The following ATP8B2 variants were observed in gnomAD, a reference collection of about 807,000 sequenced individuals.
The protein encoded by ATP8B2 is ATPase phospholipid transporting 8B2.
Under a neutral mutation model 133.4 loss-of-function variants are expected in ATP8B2, and 70 were observed. The observed-to-expected ratio is 0.52, with a 90% CI of 0.43 to 0.64. The LOEUF is 0.64. Among genes scored for constraint, ATP8B2 ranks in the 30% least tolerant of loss-of-function variants. The pLI is 0.00. For synonymous variants in ATP8B2, 517 were observed against 589.5 expected (o/e 0.88, Z 1.78); for missense variants, 1,101 against 1,535.7 (o/e 0.72, Z 4.73).
chr1:154,349,183 A>G lies in ATP8B2; in HGVS notation c.*65A>G. On this transcript the variant is annotated 3_prime_UTR_variant, in exon 28 of 28. Coordinates refer to ENST00000368489, the MANE Select transcript of ATP8B2 (RefSeq NM_001370597.1). Reference sequence around the variant, plus strand: ...CCAGGGCTGGCCAGTCACTGAGGGAACAGCGTCTCGGAACTGCTGGTCCTC... The same window carrying G: ...CCAGGGCTGGCCAGTCACTGAGGGAGCAGCGTCTCGGAACTGCTGGTCCTC... The G allele has an allele frequency of 1.9e-6, 3 of 1,556,346 alleles. No homozygotes were observed. The highest frequency in any genetic ancestry group is 2.6e-6 in the Non-Finnish European group (3 of 1,145,764).
At chr1:154,339,651 C>A (rs556721734) in intron 12 of ATP8B2, among the ~76,000 whole-genome samples, 1 of 152,134 alleles carries the variant, frequency 6.6e-6, no homozygotes, top group South Asian at 2.1e-4. Flanking sequence ...GTGTATGTTT[C>A]GGGAGGCTAA....
At chr1:154,342,409 G>A (rs1686415662) in intron 13 of ATP8B2, 71 bp from the exon 14 acceptor site, 1 of 1,465,656 alleles carries the variant, frequency 6.8e-7, no homozygotes, top group Non-Finnish European at 9.6e-7. Context: ...TTCTGCATTG[G>A]AGATGTTTTT....
rs1686228339 is a variant in ATP8B2, at chr1:154,337,481, TC to T, written c.973del (p.Leu325SerfsTer42). The T allele has an allele frequency of 1.9e-6, 3 of 1,614,206 alleles. No homozygotes were observed. The highest frequency in any genetic ancestry group is 2.5e-6 in the Non-Finnish European group (3 of 1,180,040). ...GTGGACAGTGCCTTCTTCTCTGGCT[TC>T]CTCTCCTTCTGGTCCTACATCATCA... ...EAVDSAFFSGFLSFWSYIIIL... is the reference protein window; with the variant it reads ...EAVDSAFFSGXLSFWSYIIIL... On this transcript the variant is annotated frameshift_variant, in exon 12 of 28. Coordinates refer to ENST00000368489, the MANE Select transcript of ATP8B2 (RefSeq NM_001370597.1). LOFTEE classifies it high-confidence loss of function.
At chr1:154,329,819 A>C (rs1195637245) in intron 2 of ATP8B2, among the ~76,000 whole-genome samples, 1 of 152,146 alleles carries the variant, frequency 6.6e-6, no homozygotes, top group Admixed American at 6.5e-5. Flanking sequence ...CGGGCCAGTC[A>C]GAAGCAGTTG....
In ATP8B2 at chr1:154,346,795, C is replaced by T; in HGVS notation, c.3163+37C>T. ...TGGCCTCCTTGAATCGGTGAGGAAT[C>T]ACAGCTGTTCTGGGACTAACAGGAC... On this transcript the variant is annotated intron_variant, in intron 26 of 27. Transcript: ENST00000368489. The surrounding 1 kb of genome is among the most constrained non-coding windows in gnomAD (Gnocchi z 4.5). The T allele has an allele frequency of 1.9e-6, 3 of 1,610,340 alleles. No individual in the cohort carries two copies. The highest frequency in any genetic ancestry group is 2.5e-6 in the Non-Finnish European group (3 of 1,177,232).
chr1:154,331,278 A>T lies in ATP8B2; in HGVS notation c.303+132A>T, dbSNP rs1357691086. The T allele has an allele frequency of 8.8e-7, 1 of 1,132,426 alleles. No homozygotes were observed. Among genetic ancestry groups the T allele is most frequent in the Non-Finnish European group, 1.3e-6 (1 of 775,858 alleles). The allele number at this position is 1,132,426 out of a possible 1,614,324, so 70.1% of individuals were successfully genotyped here. ...GACATCCCTTACCCGGTCCAGCTAG[A>T]TCCATGATGTCTTTTTGCTGAGCGT... On this transcript the variant is annotated intron_variant, in intron 5 of 27. Transcript: ENST00000368489. The surrounding 1 kb of genome is among the most constrained non-coding windows in gnomAD (Gnocchi z 4.8).
Position 154,348,509 on chromosome 1 carries a change from C to T in ATP8B2, c.3265C>T (p.Leu1089Phe), listed in dbSNP as rs1434480171. The change falls in exon 27 of 28, where the codon CTC becomes TTC. Residue 1089 changes from leucine to phenylalanine, a missense_variant. Leu to Phe is a conservative substitution (Grantham distance 22). Coordinates refer to ENST00000368489, the MANE Select transcript of ATP8B2 (RefSeq NM_001370597.1). ...MPVVAFRFLR[L>F]NLKPDLSDTV... ...CGTGGTTGCCTTCCGATTCCTCAGGCTCAACCTGAAGCCGGATCTCTCCGA... is the reference window on the plus strand; with the variant it reads ...CGTGGTTGCCTTCCGATTCCTCAGGTTCAACCTGAAGCCGGATCTCTCCGA... The T allele has an allele frequency of 2.5e-6, 4 of 1,614,144 alleles. No individual in the cohort carries two copies. Among genetic ancestry groups the T allele is most frequent in the Non-Finnish European group, 3.4e-6 (4 of 1,180,012 alleles).
At position 154,349,327 on chromosome 1, in the gene ATP8B2, C is replaced by T; in HGVS notation, c.*209C>T. 1.4e-6 allele frequency: 1 copy of T among 712,134 alleles called. No homozygotes were observed. The highest frequency in any genetic ancestry group is 2.3e-6 in the Non-Finnish European group (1 of 442,788). 44.1% of individuals were successfully genotyped at this position (712,134 alleles called of 1,614,324 possible). ...AGCTGGGGAGCTAGAGGGAGCAGGC[C>T]CAAGGGCAGAGCAGAGGCTGAGGCA... On this transcript the variant is annotated 3_prime_UTR_variant, in exon 28 of 28. Coordinates refer to ENST00000368489, the MANE Select transcript of ATP8B2 (RefSeq NM_001370597.1).
chr1:154,329,518 G>T (rs1031156813), intron 2 of ATP8B2, among the ~76,000 whole-genome samples: 30 of 152,110 alleles, frequency 2.0e-4, no homozygotes, highest in African/African-American at 7.0e-4. Flanking sequence ...TCTATTATAG[G>T]ACAGCTCCTT....
rs1215330491 is a variant in ATP8B2 at position 154,344,387 on chromosome 1, C to G, written c.2036-8C>G. Reference sequence around the variant, plus strand: ...CCTGTCCGTAGCTCCTGCGTTCTCTCTTGGTAGAGACGGCTGTGAACATCG... The same window carrying G: ...CCTGTCCGTAGCTCCTGCGTTCTCTGTTGGTAGAGACGGCTGTGAACATCG... On this transcript the variant is annotated splice_polypyrimidine_tract_variant and splice_region_variant and intron_variant, in intron 19 of 27. Transcript: ENST00000368489. The surrounding 1 kb of genome is among the most constrained non-coding windows in gnomAD (Gnocchi z 4.1). 6.2e-7 allele frequency: 1 copy of G among 1,614,046 alleles called. No homozygotes were observed. The highest frequency in any genetic ancestry group is 8.5e-7 in the Non-Finnish European group (1 of 1,180,032).
chr1:154,327,775 C>A, intron 1 of ATP8B2: 2 of 1,608,218 alleles, frequency 1.2e-6, no homozygotes, highest in East Asian at 2.2e-5. Context: ...CGCCAGAACA[C>A]ATGAGAGCCT....
In ATP8B2 at chr1:154,344,097, C is replaced by T; in HGVS notation, c.1923+40C>T. On this transcript the variant is annotated intron_variant, in intron 18 of 27. Coordinates refer to ENST00000368489, the MANE Select transcript of ATP8B2 (RefSeq NM_001370597.1). The surrounding 1 kb of genome is among the most constrained non-coding windows in gnomAD (Gnocchi z 4.1). ...ACGGGCCAAGGATGGGCACGGAGGG[C>T]TCATGCCTGCAATTCTTGTGCCAGG... 1 of 1,614,184 alleles carries T rather than the reference C, an allele frequency of 6.2e-7. No individual in the cohort carries two copies. Among genetic ancestry groups the T allele is most frequent in the Non-Finnish European group, 8.5e-7 (1 of 1,180,018 alleles).
Position 154,345,944 on chromosome 1 carries a change from A to ACACCACGTC in ATP8B2, c.2778+61_2778+62insCACCACGTC. On this transcript the variant is annotated intron_variant, in intron 24 of 27. Transcript: ENST00000368489. The surrounding 1 kb of genome is among the most constrained non-coding windows in gnomAD (Gnocchi z 5.6). ...GAAGGTCACTGCTTGAAGGAGTCACATAGACGTGGTGTGTGACACTTGTGC... is the reference window on the plus strand; with the variant it reads ...GAAGGTCACTGCTTGAAGGAGTCACACACCACGTCTAGACGTGGTGTGTGACACTTGTGC... 6.9e-7 allele frequency: 1 copy of ACACCACGTC among 1,456,192 alleles called. No individual in the cohort carries two copies. The highest frequency in any genetic ancestry group is 9.6e-7 in the Non-Finnish European group (1 of 1,038,970). 90.2% of individuals were successfully genotyped at this position (1,456,192 alleles called of 1,614,324 possible).
Position 154,331,026 on chromosome 1 carries a change from T to C in ATP8B2, c.205-22T>C. 6.2e-7 allele frequency: 1 copy of C among 1,607,874 alleles called. No individual in the cohort carries two copies. On this transcript the variant is annotated intron_variant, in intron 4 of 27. Coordinates refer to ENST00000368489, the MANE Select transcript of ATP8B2 (RefSeq NM_001370597.1). This position sits in a 1 kb window ranked among gnomAD's most constrained non-coding sequence, Gnocchi z 4.8. The stretch of plus-strand genomic sequence containing the variant: ...GGCATCAGATGGGGCCTCAGAGGCA[T>C]ACTTCTCTTTCTTTTTTTCAGTTGA...
chr1:154,334,576 T>C lies in ATP8B2; in HGVS notation c.822T>C (p.Asn274=), dbSNP rs143447906. ...GAACGAGTATCGATCGCCTAATGAA[T>C]ACCCTGGTGCTCTGGGTGAGGCGCC... ...FKRTSIDRLM[N]TLVLWIFGFL... Residue 274 remains asparagine, a synonymous_variant, in exon 11 of 28, where the codon AAT becomes AAC. Coordinates refer to ENST00000368489, the MANE Select transcript of ATP8B2 (RefSeq NM_001370597.1). The surrounding 1 kb of genome is among the most constrained non-coding windows in gnomAD (Gnocchi z 4.6). 1,482 of 1,613,746 alleles carry C rather than the reference T, an allele frequency of 9.2e-4. 1 individual carries two copies. The highest frequency in any genetic ancestry group is 1.2e-3 in the Non-Finnish European group (1,432 of 1,179,924).
Position 154,332,657 on chromosome 1 carries a change from C to T in ATP8B2, c.549C>T (p.Thr183=). 3 of 1,588,062 alleles carry T rather than the reference C, an allele frequency of 1.9e-6. No individual in the cohort carries two copies. The South Asian group carries it at 3.4e-5, about 18-fold the overall frequency. The change falls in exon 9 of 28, where the codon ACC becomes ACT. Residue 183 remains threonine, a synonymous_variant. Transcript: ENST00000368489. ...NMKVRQAIPV[T]SELGDISKLA... Reference sequence around the variant, plus strand: ...AAGTACGTCAGGCGATTCCAGTCACCTCAGAATTGGGAGACATCAGTAAGC... The same window carrying T: ...AAGTACGTCAGGCGATTCCAGTCACTTCAGAATTGGGAGACATCAGTAAGC...
chr1:154,328,810 TC>T lies in ATP8B2; in HGVS notation c.31+642del. On this transcript the variant is annotated intron_variant, in intron 2 of 27. Transcript: ENST00000368489. This position sits in a 1 kb window ranked among gnomAD's most constrained non-coding sequence, Gnocchi z 4.6. The stretch of plus-strand genomic sequence containing the variant: ...CGGCGGCGCAGCTGAGCTCGCGGTG[TC>T]CCCGAGCGCCGGCGGCCGGGAGGAT... 9.7e-7 allele frequency: 1 copy of T among 1,029,592 alleles called. No homozygotes were observed. The highest frequency in any genetic ancestry group is 1.2e-6 in the Non-Finnish European group (1 of 858,764). 63.8% of individuals were successfully genotyped at this position (1,029,592 alleles called of 1,614,324 possible).
Position 154,337,536 on chromosome 1 carries a change from C to T in ATP8B2, c.1026C>T (p.Leu342=), listed in dbSNP as rs199830765. 44 of 1,614,210 alleles carry T rather than the reference C, an allele frequency of 2.7e-5. No individual in the cohort carries two copies. In the Admixed American group the frequency reaches 4.7e-4, roughly 17 times the overall value. ...TCAACACCGTTGTGCCCATTTCACTCTATGTCAGGTATGTGCCTTCTCTGA... is the reference window on the plus strand; with the variant it reads ...TCAACACCGTTGTGCCCATTTCACTTTATGTCAGGTATGTGCCTTCTCTGA... ...IILNTVVPIS[L]YVSVEVIRLG... Residue 342 remains leucine (L), a synonymous_variant, in exon 12 of 28, where the codon CTC becomes CTT. Transcript: ENST00000368489.
intron 2 of ATP8B2, among the ~76,000 whole-genome samples, chr1:154,330,026 A>G (rs913319251): frequency 2.0e-5 from 3 of 151,822 alleles, no homozygotes; most frequent in African/African-American, 7.3e-5. Context: ...TTTCAGCGCT[A>G]CTCCTTGATT....
Sources: allele counts gnomAD v4.1 joint callset (sites outside exome capture counted in the v4.1 genomes callset), GRCh38; gene constraint gnomAD v4.1.1; non-coding constraint Gnocchi (gnomAD v3.1); transcripts MANE v1.5; gene names NCBI Gene and HGNC (gene_info 2026-07-23, HGNC 2026-07-21).